The following TPMT variants were observed in gnomAD, a reference collection of about 807,000 sequenced individuals.
TPMT encodes the protein thiopurine S-methyltransferase, also known as S-adenosyl-L-methionine:thiopurine S-methyltransferase.
In TPMT, 18 loss-of-function variants were observed where a neutral mutation model predicts 34.2. That is an observed-to-expected ratio of 0.53 (90% confidence interval 0.36 to 0.78). The LOEUF (loss-of-function observed/expected upper bound fraction) is 0.78, where lower values mean the gene tolerates loss of function less well. Ranked by LOEUF, TPMT falls within the 30% of genes least tolerant of loss-of-function variation. TPMT has a pLI of 0.00. For synonymous variants in TPMT, 69 were observed against 92.4 expected, an observed-to-expected ratio of 0.75 and a Z score of 1.45; for missense variants, 265 against 288.1, an observed-to-expected ratio of 0.92 and a Z score of 0.58.
At chr6:18,152,591 C>CTT (rs572086653) in intron 1 of TPMT, among the ~76,000 whole-genome samples, 12 of 128,800 alleles carry the variant, frequency 9.3e-5, no homozygotes, top group African/African-American at 3.6e-4. Flanking sequence ...TTCTTTCTTT[C>CTT]TTTTTTTTTT....
chr6:18,148,900 T>C lies in TPMT; in HGVS notation c.140+88A>G. Reference sequence around the variant, plus strand: ...AGAATTAAATGTGCATCCTAAAAGTTAGTCAAATAATGTGTACTTTTATTA... The same window carrying C: ...AGAATTAAATGTGCATCCTAAAAGTCAGTCAAATAATGTGTACTTTTATTA... On this transcript the variant is annotated intron_variant, in intron 2 of 8. Transcript: ENST00000309983. This position sits in a 1 kb window ranked among gnomAD's most constrained non-coding sequence, Gnocchi z 4.1. The C allele has an allele frequency of 6.3e-7, 1 of 1,580,004 alleles. No individual in the cohort carries two copies. Among genetic ancestry groups the C allele is most frequent in the Non-Finnish European group, 8.7e-7 (1 of 1,152,796 alleles).
In TPMT at chr6:18,130,705, C is replaced by A; in HGVS notation, c.701G>T (p.Cys234Phe). 1 of 1,612,840 alleles carries A rather than the reference C, an allele frequency of 6.2e-7. No individual in the cohort carries two copies. The highest frequency in any genetic ancestry group is 8.5e-7 in the Non-Finnish European group (1 of 1,179,776). Residue 234 changes from cysteine (C) to phenylalanine (F), a missense_variant, in exon 9 of 9, where the codon TGT becomes TTT. Physicochemically the swap from Cys to Phe is radical, Grantham distance 205. Coordinates refer to ENST00000309983, the MANE Select transcript of TPMT (RefSeq NM_000367.5). This position sits in a 1 kb window ranked among gnomAD's most constrained non-coding sequence, Gnocchi z 4.2. ...AAGTAGATATAACTTTTCAAAAAGA[C>A]AGTCAATTCCCCAACTTTTATGTCG... ...EERHKSWGIDCLFEKLYLLTE... is the reference protein window; with the variant it reads ...EERHKSWGIDFLFEKLYLLTE...
At chr6:18,133,124 C>T (rs1047131147) in intron 7 of TPMT, among the ~76,000 whole-genome samples, 5 of 151,980 alleles carry the variant, frequency 3.3e-5, no homozygotes, top group African/African-American at 1.2e-4. Flanking sequence ...AACCAAAATA[C>T]TAACATATGT....
In TPMT at chr6:18,139,110, G is replaced by A. The variant is rs1784094402; in HGVS notation, c.420-73C>T. 2.4e-6 allele frequency: 3 copies of A among 1,247,740 alleles called. No individual in the cohort carries two copies. The highest frequency in any genetic ancestry group is 2.0e-4 in the Middle Eastern group (1 of 5,074). 77.3% of individuals were successfully genotyped at this position (1,247,740 alleles called of 1,614,324 possible). A position where few individuals can be genotyped will look rare whatever the true frequency, so the allele number is the denominator to read the frequency against. ...AAGAAGATGAGCAGCGTCCCCCATG[G>A]TGCATGCTGGTACTTCAACAATCGT... On this transcript the variant is annotated intron_variant, in intron 5 of 8. Coordinates refer to ENST00000309983, the MANE Select transcript of TPMT (RefSeq NM_000367.5). This position sits in a 1 kb window ranked among gnomAD's most constrained non-coding sequence, Gnocchi z 4.2.
At chr6:18,133,671 T>C (rs1383920770) in intron 7 of TPMT, 133 bp downstream of exon 7, 1 of 692,566 alleles carries the variant, frequency 1.4e-6, no homozygotes, top group Non-Finnish European at 2.5e-6. Flanking sequence ...AAACTGGAAT[T>C]ATCTCCATGT....
chr6:18,149,070 T>C lies in TPMT; in HGVS notation c.58A>G (p.Lys20Glu), dbSNP rs1438651791. The C allele has an allele frequency of 1.9e-6, 3 of 1,614,066 alleles. No individual in the cohort carries two copies. Among genetic ancestry groups the C allele is most frequent in the African/African-American group, 2.7e-5 (2 of 74,930 alleles). The part of the protein sequence containing the change: ...IEEYSDTEVQ[K>E]NQVLTLEEWQ... Reference sequence around the variant, plus strand: ...TCTTCCAGAGTTAGTACTTGGTTTTTCTGTACCTCAGTATCCGAGTACTCT... The same window carrying C: ...TCTTCCAGAGTTAGTACTTGGTTTTCCTGTACCTCAGTATCCGAGTACTCT... The change falls in exon 2 of 9, where the codon AAA becomes GAA. Residue 20 changes from lysine (K) to glutamate (E), a missense_variant. Coordinates refer to ENST00000309983, the MANE Select transcript of TPMT (RefSeq NM_000367.5). The surrounding 1 kb of genome is among the most constrained non-coding windows in gnomAD (Gnocchi z 5.0).
rs1784027669 is a variant in TPMT, at chr6:18,135,526, T to C, written c.495-1637A>G. Among the ~76,000 whole-genome samples, 1 of 152,150 alleles carries C rather than the reference T, an allele frequency of 6.6e-6. No homozygotes were observed. Among genetic ancestry groups the C allele is most frequent in the Non-Finnish European group, 1.5e-5 (1 of 68,016 alleles). The stretch of plus-strand genomic sequence containing the variant: ...ATGTGCTAACATGGTAAGTACTGAG[T>C]ACCAGCATGTAGATAAAGAACTAAG... On this transcript the variant is annotated intron_variant, in intron 6 of 8. Coordinates refer to ENST00000309983, the MANE Select transcript of TPMT (RefSeq NM_000367.5). The surrounding 1 kb of genome is among the most constrained non-coding windows in gnomAD (Gnocchi z 5.0).
intron 3 of TPMT, among the ~76,000 whole-genome samples, chr6:18,144,659 G>A (rs924291865): frequency 1.3e-5 from 2 of 148,278 alleles, no homozygotes; most frequent in East Asian, 2.0e-4. Flanking sequence ...GATTACAGGC[G>A]TGAGCCACCA....
chr6:18,133,929 C>T, intron 6 of TPMT, 40 bp from the exon 7 acceptor site: 1 of 1,557,926 alleles, frequency 6.4e-7, no homozygotes, highest in Non-Finnish European at 8.9e-7. Flanking sequence ...CATTTCTCTA[C>T]ACAGGCAAAG....
intron 6 of TPMT, among the ~76,000 whole-genome samples, chr6:18,134,967 A>G (rs1784017344): frequency 6.6e-6 from 1 of 152,154 alleles, no homozygotes; most frequent in African/African-American, 2.4e-5. Context: ...CTAGACTGTG[A>G]TCTATGTCCA....
At chr6:18,141,339 AT>A (rs531739139) in intron 4 of TPMT, among the ~76,000 whole-genome samples, 1,696 of 137,882 alleles carry the variant, frequency 0.012, 7 homozygotes, top group Non-Finnish European at 0.015. Flanking sequence ...CTGAGCAACA[AT>A]TTTTTTTTTT....
chr6:18,151,020 C>T (rs1048091041), intron 1 of TPMT, among the ~76,000 whole-genome samples: 1 of 152,172 alleles, frequency 6.6e-6, no homozygotes, highest in East Asian at 1.9e-4. Context: ...GGCCATCCCT[C>T]TGCTTTTTTT....
intron 6 of TPMT, 83 bp from the exon 7 acceptor site, chr6:18,133,972 G>T: frequency 9.0e-7 from 1 of 1,109,140 alleles, no homozygotes; most frequent in Non-Finnish European, 1.4e-6. Flanking sequence ...AAGGAAGCCA[G>T]AAGTTACTTT....
chr6:18,151,030 T>C (rs886282760), intron 1 of TPMT, among the ~76,000 whole-genome samples: 1 of 152,212 alleles, frequency 6.6e-6, no homozygotes, highest in Non-Finnish European at 1.5e-5. Context: ...CTGCTTTTTT[T>C]ATTTCTCCTT....
In TPMT at chr6:18,130,514, G is replaced by T; in HGVS notation, c.*154C>A. On this transcript the variant is annotated 3_prime_UTR_variant, in exon 9 of 9. Transcript: ENST00000309983. This position sits in a 1 kb window ranked among gnomAD's most constrained non-coding sequence, Gnocchi z 4.2. ...TTCTTCTAAAACTTTTTTAGAAAAA[G>T]TAAATGGCTTTACTAAAAAGCCATT... 1 of 598,252 alleles carries T rather than the reference G, an allele frequency of 1.7e-6. No individual in the cohort carries two copies. Among genetic ancestry groups the T allele is most frequent in the Non-Finnish European group, 3.0e-6 (1 of 335,466 alleles). The allele number at this position is 598,252 out of a possible 1,614,324, so 37.1% of individuals were successfully genotyped here. A position where few individuals can be genotyped will look rare whatever the true frequency, so the allele number is the denominator to read the frequency against.
intron 6 of TPMT, among the ~76,000 whole-genome samples, chr6:18,137,471 C>G (rs1784063533): frequency 6.6e-6 from 1 of 152,156 alleles, no homozygotes; most frequent in Non-Finnish European, 1.5e-5. Context: ...CTCCATACAA[C>G]TAAGTAATTC....
chr6:18,142,144 T>C (rs1784154101), intron 4 of TPMT, among the ~76,000 whole-genome samples: 1 of 152,126 alleles, frequency 6.6e-6, no homozygotes, highest in African/African-American at 2.4e-5. Flanking sequence ...TGGCAGGTTT[T>C]TTCCTCTCGG....
chr6:18,131,135 T>C lies in TPMT; in HGVS notation c.626-355A>G, dbSNP rs752582188. ...CCTAGGCAACAAGAGCGAAACTCCA[T>C]CTCAAAACAAACAAACAAAACCTTG... On this transcript the variant is annotated intron_variant, in intron 8 of 8. Transcript: ENST00000309983. The surrounding 1 kb of genome is among the most constrained non-coding windows in gnomAD (Gnocchi z 4.3). Among the ~76,000 whole-genome samples the C allele has an allele frequency of 1.7e-4, 26 of 152,136 alleles. No homozygotes were observed. The highest frequency in any genetic ancestry group is 2.7e-4 in the African/African-American group (11 of 41,442).
rs188633906 is a variant in TPMT at position 18,140,129 on chromosome 6, C to G, written c.367-412G>C. On this transcript the variant is annotated intron_variant, in intron 4 of 8. Transcript: ENST00000309983. This position sits in a 1 kb window ranked among gnomAD's most constrained non-coding sequence, Gnocchi z 4.7. ...CCAGAAATGTGCAATTGTGCTGATTCTTCCATTTTTGCTCATTCATTCAGC... is the reference window on the plus strand; with the variant it reads ...CCAGAAATGTGCAATTGTGCTGATTGTTCCATTTTTGCTCATTCATTCAGC... Among the ~76,000 whole-genome samples, 1 of 152,306 alleles carries G rather than the reference C, an allele frequency of 6.6e-6. No homozygotes were observed. The highest frequency in any genetic ancestry group is 2.4e-5 in the African/African-American group (1 of 41,570).
Sources: allele counts gnomAD v4.1 joint callset (sites outside exome capture counted in the v4.1 genomes callset), GRCh38; gene constraint gnomAD v4.1.1; non-coding constraint Gnocchi (gnomAD v3.1); transcripts MANE v1.5; gene names NCBI Gene and HGNC (gene_info 2026-07-23, HGNC 2026-07-21).